The following TNFRSF19 variants were observed in gnomAD, a reference collection of about 807,000 sequenced individuals.
The protein encoded by TNFRSF19 is tumor necrosis factor receptor superfamily member 19.
Under a neutral mutation model 46.4 loss-of-function variants are expected in TNFRSF19, and 27 were observed. The observed-to-expected ratio is 0.58, with a 90% CI of 0.43 to 0.80. The LOEUF (loss-of-function observed/expected upper bound fraction) is 0.80, where lower values mean the gene tolerates loss of function less well. Ranked by LOEUF, TNFRSF19 falls within the 30% of genes least tolerant of loss-of-function variation. TNFRSF19 has a pLI of 0.00. For synonymous variants in TNFRSF19, 204 were observed against 205.0 expected (o/e 1.00, Z 0.04); for missense variants, 511 against 530.8 (o/e 0.96, Z 0.37).
rs530507062 is a variant in TNFRSF19 at position 23,595,032 on chromosome 13, T to A, written c.180+1577T>A. Among the ~76,000 whole-genome samples, 24 of 152,296 alleles carry A rather than the reference T, an allele frequency of 1.6e-4. 1 individual carries two copies. In the South Asian group the frequency reaches 4.6e-3, roughly 29 times the overall value. On this transcript the variant is annotated intron_variant, in intron 3 of 9. Transcript: ENST00000248484. ...ACCTGAAGCAAAGGGCCTGACTGTTTGTAGGAAAACTAACACACAGAAAGG... is the reference window on the plus strand; with the variant it reads ...ACCTGAAGCAAAGGGCCTGACTGTTAGTAGGAAAACTAACACACAGAAAGG...
intron 1 of TNFRSF19, chr13:23,579,414 A>C (rs1593225911): frequency 7.7e-6 from 1 of 129,816 alleles, no homozygotes; most frequent in South Asian, 3.0e-4. Flanking sequence ...CACGGTGTGC[A>C]CGCTGGACTG....
chr13:23,674,557 C>T lies in TNFRSF19; in HGVS notation c.*1177C>T, dbSNP rs182719085. 8 of 152,308 alleles carry T rather than the reference C, an allele frequency of 5.3e-5. No individual in the cohort carries two copies. The East Asian group carries it at 9.7e-4, about 18-fold the overall frequency. The allele number at this position is 152,308 out of a possible 1,614,324, so 9.4% of individuals were successfully genotyped here. ...GCTTCTTTCTATTAAAGTGCTCCAT[C>T]CCCTACCATCTACACATTAGCATTG... On this transcript the variant is annotated 3_prime_UTR_variant, in exon 10 of 10. Coordinates refer to ENST00000248484, the MANE Select transcript of TNFRSF19 (RefSeq NM_148957.4).
At chr13:23,607,240 C>T (rs887839396) in intron 3 of TNFRSF19, among the ~76,000 whole-genome samples, 1 of 152,098 alleles carries the variant, frequency 6.6e-6, no homozygotes, top group Non-Finnish European at 1.5e-5. Flanking sequence ...TCCAGACTAG[C>T]CTGGCCAACA....
intron 3 of TNFRSF19, among the ~76,000 whole-genome samples, chr13:23,614,114 G>A (rs1881087856): frequency 6.6e-6 from 1 of 152,114 alleles, no homozygotes; most frequent in Non-Finnish European, 1.5e-5. Flanking sequence ...TCCTCTCTGT[G>A]CCTCTGATAT....
intron 3 of TNFRSF19, among the ~76,000 whole-genome samples, chr13:23,598,810 A>ATGTAT (rs1321097843): frequency 6.6e-6 from 1 of 152,216 alleles, no homozygotes; most frequent in African/African-American, 2.4e-5. Context: ...TGGAGAAGTG[A>ATGTAT]TGTATTGTTT....
At chr13:23,601,251 A>G (rs1170751252) in intron 3 of TNFRSF19, among the ~76,000 whole-genome samples, 1 of 152,196 alleles carries the variant, frequency 6.6e-6, no homozygotes, top group Non-Finnish European at 1.5e-5. Context: ...CTAGAGGGAA[A>G]AAAACGCCAT....
intron 5 of TNFRSF19, among the ~76,000 whole-genome samples, chr13:23,634,761 A>G (rs547500004): frequency 1.3e-5 from 2 of 152,270 alleles, no homozygotes; most frequent in African/African-American, 4.8e-5. Flanking sequence ...CACCCTCTTG[A>G]GGTGGCATGT....
rs767573124 is a variant in TNFRSF19, at chr13:23,659,186, G to A, written c.582G>A (p.Lys194=). 7.5e-5 allele frequency: 121 copies of A among 1,613,272 alleles called. No individual in the cohort carries two copies. Among genetic ancestry groups the A allele is most frequent in the Non-Finnish European group, 1.0e-4 (118 of 1,179,452 alleles). ...ALLILCVIYC[K]RQFMEKKPSW... is the part of the protein sequence containing the mutation. Reference sequence around the variant, plus strand: ...TCATCCTCTGTGTCATCTATTGTAAGAGACAGTTTATGGAGAAGAAACCCA... The same window carrying A: ...TCATCCTCTGTGTCATCTATTGTAAAAGACAGTTTATGGAGAAGAAACCCA... The change falls in exon 6 of 10, where the codon AAG becomes AAA. Residue 194 remains lysine (K), a synonymous_variant. Coordinates refer to ENST00000248484, the MANE Select transcript of TNFRSF19 (RefSeq NM_148957.4). This position sits in a 1 kb window ranked among gnomAD's most constrained non-coding sequence, Gnocchi z 4.9.
intron 7 of TNFRSF19, among the ~76,000 whole-genome samples, chr13:23,665,523 A>G (rs1951612363): frequency 6.6e-6 from 1 of 152,186 alleles, no homozygotes; most frequent in African/African-American, 2.4e-5. Flanking sequence ...TTACAGAAAT[A>G]TCGAAAGTGT....
intron 3 of TNFRSF19, among the ~76,000 whole-genome samples, chr13:23,598,910 T>C (rs11616958): frequency 0.26 from 39,321 of 152,146 alleles, 5,627 homozygotes; most frequent in African/African-American, 0.38. Context: ...GAGAAGTCCT[T>C]TTCCCCTACA....
rs112542214 is a variant in TNFRSF19 at position 23,622,009 on chromosome 13, G to C, written c.360-4698G>C. Among the ~76,000 whole-genome samples the C allele has an allele frequency of 5.5e-3, 829 of 152,106 alleles. 10 individuals carry two copies. The highest frequency in any genetic ancestry group is 0.019 in the African/African-American group (781 of 41,500). ...CAGATACTGTTGATAGCTGCTCTCAGAGCTAGGTCTGAGCATCACCTCTTC... is the reference window on the plus strand; with the variant it reads ...CAGATACTGTTGATAGCTGCTCTCACAGCTAGGTCTGAGCATCACCTCTTC... On this transcript the variant is annotated intron_variant, in intron 4 of 9. Coordinates refer to ENST00000248484, the MANE Select transcript of TNFRSF19 (RefSeq NM_148957.4).
At chr13:23,611,894 A>G (rs558295161) in intron 3 of TNFRSF19, among the ~76,000 whole-genome samples, 1 of 152,234 alleles carries the variant, frequency 6.6e-6, no homozygotes, top group African/African-American at 2.4e-5. Context: ...AATACTCTCT[A>G]TTTGCTGATA....
At chr13:23,584,050 G>T (rs573820913) in intron 1 of TNFRSF19, among the ~76,000 whole-genome samples, 12 of 152,210 alleles carry the variant, frequency 7.9e-5, no homozygotes, top group African/African-American at 2.4e-4. Context: ...GTTATTTTTT[G>T]TTGTTGTTGT....
At chr13:23,591,543 T>C (rs577193824) in intron 2 of TNFRSF19, among the ~76,000 whole-genome samples, 13 of 152,068 alleles carry the variant, frequency 8.5e-5, no homozygotes, top group Non-Finnish European at 1.8e-4. Context: ...CCTGCTGTAA[T>C]TGGAGGCTGT....
chr13:23,627,099 C>T (rs578105342), intron 5 of TNFRSF19, among the ~76,000 whole-genome samples: 9 of 152,248 alleles, frequency 5.9e-5, no homozygotes, highest in East Asian at 5.8e-4. Flanking sequence ...AATAACCAGG[C>T]GGCTCACATC....
intron 1 of TNFRSF19, among the ~76,000 whole-genome samples, chr13:23,584,629 A>T (rs1231860954): frequency 2.4e-4 from 15 of 62,918 alleles, no homozygotes; most frequent in African/African-American, 5.8e-4. Context: ...GTTTTATTTA[A>T]AAAAAAAAAA....
chr13:23,596,937 G>C (rs1400914229), intron 3 of TNFRSF19, among the ~76,000 whole-genome samples: 1 of 152,122 alleles, frequency 6.6e-6, no homozygotes, highest in African/African-American at 2.4e-5. Context: ...ACTCAGGATT[G>C]AGAAACTCAC....
intron 7 of TNFRSF19, among the ~76,000 whole-genome samples, chr13:23,666,968 C>T (rs952095953): frequency 1.3e-5 from 2 of 152,086 alleles, no homozygotes; most frequent in Non-Finnish European, 2.9e-5. Context: ...TTTGGATACA[C>T]ACAAACATAT....
intron 3 of TNFRSF19, among the ~76,000 whole-genome samples, chr13:23,602,490 T>C (rs1880229182): frequency 2.6e-5 from 4 of 152,042 alleles, no homozygotes. Context: ...ATAGTTGGAC[T>C]CAACACCATC....
Sources: allele counts gnomAD v4.1 joint callset (sites outside exome capture counted in the v4.1 genomes callset), GRCh38; gene constraint gnomAD v4.1.1; non-coding constraint Gnocchi (gnomAD v3.1); transcripts MANE v1.5; gene names NCBI Gene and HGNC (gene_info 2026-07-23, HGNC 2026-07-21).